MAPKAP1: variants seen among roughly 807,000 people sequenced by gnomAD.
MAPKAP1 encodes target of rapamycin complex 2 subunit MAPKAP1.
In MAPKAP1, 20 loss-of-function variants were observed where a neutral mutation model predicts 65.7. The observed-to-expected ratio is 0.30, with a 90% confidence interval of 0.21 to 0.44. The LOEUF is 0.44. Ranked by LOEUF, MAPKAP1 falls within the 20% of genes least tolerant of loss-of-function variation. MAPKAP1 has a pLI of 1.00. For missense variants in MAPKAP1, 423 were observed against 648.0 expected (o/e 0.65, Z 3.77); for synonymous variants, 222 against 244.3 (o/e 0.91, Z 0.85).
chr9:125,594,197 C>G (rs1373079831), intron 4 of MAPKAP1, among the ~76,000 whole-genome samples: 1 of 152,224 alleles, frequency 6.6e-6, no homozygotes. Context: ...AATCCTTCCC[C>G]TCCAAATCTT....
intron 4 of MAPKAP1, among the ~76,000 whole-genome samples, chr9:125,594,359 CACTGAACAGTAATTAAGAGCACAG>C (rs1188950080): frequency 6.6e-6 from 1 of 152,178 alleles, no homozygotes; most frequent in Non-Finnish European, 1.5e-5. Context: ...TACTGATGTA[CACTGAACAGTAATTAAGAGCACAG>C]ACTCGGGGTC....
At chr9:125,441,525 G>A (rs1281019352) in intron 11 of MAPKAP1, among the ~76,000 whole-genome samples, 5 of 152,194 alleles carry the variant, frequency 3.3e-5, no homozygotes, top group Non-Finnish European at 7.3e-5. Context: ...ATTTCTACAA[G>A]CGCAAAAAGC....
intron 8 of MAPKAP1, among the ~76,000 whole-genome samples, chr9:125,498,807 C>T (rs575841984): frequency 1.3e-5 from 2 of 152,280 alleles, no homozygotes; most frequent in Admixed American, 1.3e-4. Flanking sequence ...CACAGACTTA[C>T]AGACCTGCCC....
chr9:125,645,030 A>G (rs1833685755), intron 4 of MAPKAP1, among the ~76,000 whole-genome samples: 1 of 152,172 alleles, frequency 6.6e-6, no homozygotes, highest in African/African-American at 2.4e-5. Context: ...AACCACTACA[A>G]GGAGAGTTTT....
At chr9:125,540,154 T>C (rs537384965) in intron 7 of MAPKAP1, among the ~76,000 whole-genome samples, 63 of 152,330 alleles carry the variant, frequency 4.1e-4, no homozygotes, top group Admixed American at 9.8e-4. Context: ...GCAAAGCTAT[T>C]TACCTAAACA....
At chr9:125,627,911 TG>T (rs1328187049) in intron 4 of MAPKAP1, among the ~76,000 whole-genome samples, 2 of 152,196 alleles carry the variant, frequency 1.3e-5, no homozygotes, top group African/African-American at 4.8e-5. Flanking sequence ...GACAGAAGCT[TG>T]GTTAGTTACA....
intron 4 of MAPKAP1, among the ~76,000 whole-genome samples, chr9:125,592,183 C>T (rs1437113482): frequency 6.6e-6 from 1 of 152,132 alleles, no homozygotes; most frequent in Non-Finnish European, 1.5e-5. Flanking sequence ...TACAATGTCA[C>T]GAAAGTTTTA....
intron 5 of MAPKAP1, among the ~76,000 whole-genome samples, chr9:125,566,284 G>C (rs1831048622): frequency 1.3e-5 from 2 of 152,210 alleles, no homozygotes; most frequent in Admixed American, 1.3e-4. Context: ...AAGACTTCTT[G>C]CTGGGTGTGG....
chr9:125,588,124 A>G (rs1233545534), intron 4 of MAPKAP1, among the ~76,000 whole-genome samples: 1 of 152,246 alleles, frequency 6.6e-6, no homozygotes, highest in Non-Finnish European at 1.5e-5. Flanking sequence ...AAATGTTCAT[A>G]GCAGTATTAT....
Position 125,438,198 on chromosome 9 carries a change from C to G in MAPKAP1, c.*689G>C, listed in dbSNP as rs768996248. ...CCACGCAGCTCCTGGGCTCTGAGGT[C>G]AGAAGCTGGGGTGTGCTGAAGGGGA... is the stretch of plus-strand genomic sequence containing the variant. On this transcript the variant is annotated 3_prime_UTR_variant, in exon 12 of 12. Coordinates refer to ENST00000265960, the MANE Select transcript of MAPKAP1 (RefSeq NM_001006617.3). 2.1e-4 allele frequency: 84 copies of G among 394,770 alleles called. No homozygotes were observed. Among genetic ancestry groups the G allele is most frequent in the Non-Finnish European group, 3.5e-4 (79 of 224,216 alleles). 24.5% of individuals were successfully genotyped at this position (394,770 alleles called of 1,614,324 possible).
At chr9:125,587,341 A>C (rs1013754428) in intron 4 of MAPKAP1, among the ~76,000 whole-genome samples, 10 of 152,156 alleles carry the variant, frequency 6.6e-5, no homozygotes, top group Admixed American at 1.3e-4. Context: ...CAAGGCAGGG[A>C]GATCACTTGA....
At chr9:125,688,941 T>C (rs570211856) in intron 1 of MAPKAP1, among the ~76,000 whole-genome samples, 6 of 152,116 alleles carry the variant, frequency 3.9e-5, no homozygotes, top group Non-Finnish European at 7.4e-5. Context: ...CAGCTTAAGC[T>C]CACTTCATCT....
intron 4 of MAPKAP1, among the ~76,000 whole-genome samples, chr9:125,620,295 G>GA (rs200477369): frequency 4.0e-4 from 60 of 149,640 alleles, no homozygotes; most frequent in African/African-American, 1.3e-3. Context: ...ATGACAGAGC[G>GA]AAAAAAAAAA....
chr9:125,583,017 A>AATAC (rs1450627274), intron 5 of MAPKAP1, among the ~76,000 whole-genome samples: 18 of 152,182 alleles, frequency 1.2e-4, no homozygotes, highest in African/African-American at 4.3e-4. Flanking sequence ...TAAGGACAGT[A>AATAC]ATACCCTAAA....
chr9:125,672,175 TCA>T (rs1834516706), intron 2 of MAPKAP1, 139 bp downstream of exon 2: 1 of 861,984 alleles, frequency 1.2e-6, no homozygotes, highest in Non-Finnish European at 1.8e-6. Context: ...TTGCTCAGAC[TCA>T]CTCTTAGTCT....
intron 10 of MAPKAP1, among the ~76,000 whole-genome samples, chr9:125,460,663 T>C (rs76411724): frequency 0.035 from 5,330 of 152,266 alleles, 111 homozygotes; most frequent in South Asian, 0.057. Context: ...ACACCTTTTT[T>C]ATAGGAACTA....
chr9:125,651,335 T>C (rs1338186008), intron 4 of MAPKAP1, among the ~76,000 whole-genome samples: 2 of 152,208 alleles, frequency 1.3e-5, no homozygotes, highest in African/African-American at 2.4e-5. Flanking sequence ...TTGGACGCAG[T>C]GGCTCACACC....
At chr9:125,616,472 G>C (rs368989442) in intron 4 of MAPKAP1, among the ~76,000 whole-genome samples, 8 of 152,102 alleles carry the variant, frequency 5.3e-5, no homozygotes, top group African/African-American at 1.7e-4. Context: ...AAAATGGTTA[G>C]TATCCAAACA....
intron 10 of MAPKAP1, among the ~76,000 whole-genome samples, chr9:125,457,551 T>C (rs1247281567): frequency 2.0e-5 from 3 of 152,276 alleles, no homozygotes; most frequent in Non-Finnish European, 4.4e-5. Context: ...AAGCGAATGC[T>C]GGACACTATC....
Sources: gnomAD v4.1 joint callset for allele counts (sites outside exome capture counted in the v4.1 genomes callset) on GRCh38, gnomAD v4.1.1 for gene constraint, MANE v1.5 for transcripts, NCBI Gene and HGNC (gene_info 2026-07-23, HGNC 2026-07-21) for gene names.